Variants in SH2D4A observed in about 807,000 individuals in gnomAD.
SH2D4A encodes SH2 domain containing 4A, also known as SH2 domain-containing protein 4A.
In SH2D4A, 70 loss-of-function variants were observed where a neutral mutation model predicts 64.7. The observed-to-expected ratio is 1.08, with a 90% CI of 0.89 to 1.32. The LOEUF (loss-of-function observed/expected upper bound fraction) is 1.32. Ranked by LOEUF, SH2D4A falls within the 40% of genes most tolerant of loss-of-function variation. SH2D4A has a pLI of 0.00. For missense variants in SH2D4A, 706 were observed against 540.1 expected (o/e 1.31, Z -3.04); for synonymous variants, 268 against 200.7 (o/e 1.34, Z -2.83).
intron 6 of SH2D4A, 83 bp from the exon 7 acceptor site, chr8:19,363,988 CT>C: frequency 7.7e-7 from 1 of 1,301,294 alleles, no homozygotes; most frequent in Non-Finnish European, 1.1e-6. Context: ...ACCTGCGCTG[CT>C]GCCCGTTGTG....
intron 5 of SH2D4A, among the ~76,000 whole-genome samples, chr8:19,357,486 A>G (rs935995435): frequency 6.6e-5 from 10 of 152,222 alleles, no homozygotes; most frequent in African/African-American, 2.4e-4. Context: ...GAAAGAACAG[A>G]TGCCAAGTTG....
chr8:19,364,564 A>C (rs1463412906), intron 7 of SH2D4A, among the ~76,000 whole-genome samples: 1 of 148,528 alleles, frequency 6.7e-6, no homozygotes, highest in Non-Finnish European at 1.5e-5. Flanking sequence ...TCCCTACCCC[A>C]CTCTCCCCTT....
intron 4 of SH2D4A, among the ~76,000 whole-genome samples, chr8:19,350,254 C>T (rs748068996): frequency 1.3e-5 from 2 of 152,190 alleles, no homozygotes; most frequent in Admixed American, 6.5e-5. Flanking sequence ...GAAACTCCCT[C>T]GCATGTGAAT....
At chr8:19,357,884 G>C (rs1339177148) in intron 5 of SH2D4A, among the ~76,000 whole-genome samples, 1 of 152,196 alleles carries the variant, frequency 6.6e-6, no homozygotes, top group Non-Finnish European at 1.5e-5. Context: ...CCTACCGAGA[G>C]TCTGAAACAG....
intron 2 of SH2D4A, among the ~76,000 whole-genome samples, chr8:19,330,745 CT>C (rs1298495106): frequency 6.6e-6 from 1 of 151,952 alleles, no homozygotes; most frequent in African/African-American, 2.4e-5. Flanking sequence ...TGCCATCTTT[CT>C]GGGCATCTTC....
intron 8 of SH2D4A, among the ~76,000 whole-genome samples, chr8:19,382,595 C>A (rs868522071): frequency 6.6e-6 from 1 of 151,986 alleles, no homozygotes; most frequent in African/African-American, 2.4e-5. Flanking sequence ...CAAATTATGA[C>A]GTTCTGTAAG....
Position 19,357,801 on chromosome 8 carries a change from T to G in SH2D4A, c.594+518T>G, listed in dbSNP as rs541415128. Among the ~76,000 whole-genome samples the G allele has an allele frequency of 2.0e-5, 3 of 152,328 alleles. No homozygotes were observed. In the South Asian group the frequency reaches 6.2e-4, roughly 32 times the overall value. On this transcript the variant is annotated intron_variant, in intron 5 of 9. Transcript: ENST00000265807. Reference sequence around the variant, plus strand: ...GCCCTGCTTCCTCCGTCGTGTGAGCTTGCTATCATGTCATAAATTGCTCAA... The same window carrying G: ...GCCCTGCTTCCTCCGTCGTGTGAGCGTGCTATCATGTCATAAATTGCTCAA...
intron 4 of SH2D4A, among the ~76,000 whole-genome samples, chr8:19,348,128 C>T (rs1364855856): frequency 6.6e-6 from 1 of 152,148 alleles, no homozygotes; most frequent in Non-Finnish European, 1.5e-5. Context: ...CAGGATCTTG[C>T]TGTGTCACCC....
chr8:19,377,304 C>A (rs544581364), intron 8 of SH2D4A, among the ~76,000 whole-genome samples: 1 of 152,192 alleles, frequency 6.6e-6, no homozygotes, highest in Non-Finnish European at 1.5e-5. Context: ...ATTGCTTGAA[C>A]GCAGGAGGCG....
intron 7 of SH2D4A, 78 bp from the exon 8 acceptor site, chr8:19,373,452 A>G (rs1415765136): frequency 3.7e-5 from 34 of 925,398 alleles, no homozygotes; most frequent in Non-Finnish European, 4.6e-5. Context: ...GTGTATATAT[A>G]TATATATATA....
At chr8:19,386,229 G>A (rs1322963321) in intron 8 of SH2D4A, among the ~76,000 whole-genome samples, 1 of 152,152 alleles carries the variant, frequency 6.6e-6, no homozygotes, top group East Asian at 1.9e-4. Context: ...AAATTGCCTA[G>A]TATTTGTTCA....
intron 4 of SH2D4A, among the ~76,000 whole-genome samples, chr8:19,342,657 G>A (rs2052546851): frequency 6.6e-6 from 1 of 152,176 alleles, no homozygotes; most frequent in South Asian, 2.1e-4. Flanking sequence ...GATTCACAGG[G>A]GGAGCTGGGT....
intron 8 of SH2D4A, among the ~76,000 whole-genome samples, chr8:19,391,792 T>G (rs1368660589): frequency 1.3e-5 from 2 of 152,120 alleles, no homozygotes; most frequent in African/African-American, 4.8e-5. Flanking sequence ...CTGGAGAGAG[T>G]TCACTTCTCA....
intron 8 of SH2D4A, among the ~76,000 whole-genome samples, chr8:19,377,701 TACAC>T (rs1180690721): frequency 1.3e-5 from 2 of 152,142 alleles, no homozygotes; most frequent in Non-Finnish European, 2.9e-5. Flanking sequence ...ACACATATAT[TACAC>T]ACGTATCATT....
At chr8:19,343,477 C>A (rs922641507) in intron 4 of SH2D4A, among the ~76,000 whole-genome samples, 2 of 151,876 alleles carry the variant, frequency 1.3e-5, no homozygotes, top group Non-Finnish European at 2.9e-5. Flanking sequence ...CCTTGTTTAT[C>A]TCATGGGTTT....
At position 19,364,149 on chromosome 8, in the gene SH2D4A, C is replaced by G; in HGVS notation, c.784C>G (p.Leu262Val). 6.2e-7 allele frequency: 1 copy of G among 1,614,142 alleles called. No individual in the cohort carries two copies. ...ACGAGAAGACTACAAGAGGTTATCC[C>G]TCGGGGCCCAGAAAGGAAGAGGCGG... ...QAREDYKRLS[L>V]GAQKGRGGER... is the part of the protein sequence containing the mutation. The change falls in exon 7 of 10, where the codon CTC (leucine) becomes GTC (valine). Residue 262 changes from leucine to valine, a missense_variant. Transcript: ENST00000265807.
At chr8:19,324,541 T>G (rs775996679) in intron 2 of SH2D4A, among the ~76,000 whole-genome samples, 1 of 152,182 alleles carries the variant, frequency 6.6e-6, no homozygotes, top group Non-Finnish European at 1.5e-5. Flanking sequence ...TTCCTTATCT[T>G]GATCAATTCC....
chr8:19,323,829 T>C (rs922815684), intron 2 of SH2D4A, among the ~76,000 whole-genome samples: 1 of 152,208 alleles, frequency 6.6e-6, no homozygotes, highest in Non-Finnish European at 1.5e-5. Flanking sequence ...GTATATTGTC[T>C]CACTAAATAA....
intron 2 of SH2D4A, 55 bp downstream of exon 2, chr8:19,319,783 G>A: frequency 6.8e-7 from 1 of 1,471,456 alleles, no homozygotes; most frequent in South Asian, 1.5e-5. Context: ...CTCCTGGCTT[G>A]CTTTGACAAT....
Sources: allele counts gnomAD v4.1 joint callset (sites outside exome capture counted in the v4.1 genomes callset), GRCh38; gene constraint gnomAD v4.1.1; transcripts MANE v1.5; gene names NCBI Gene and HGNC (gene_info 2026-07-23, HGNC 2026-07-21).